ITGBL1: variants seen among roughly 807,000 people sequenced by gnomAD.
ITGBL1 encodes the protein integrin beta-like protein 1.
In ITGBL1, 51 loss-of-function variants were observed where a neutral mutation model predicts 68.5. That is an observed-to-expected ratio of 0.74 (90% confidence interval 0.59 to 0.94). ITGBL1 has a LOEUF of 0.94. ITGBL1 is among the 40% of genes least tolerant of loss of function. The pLI, the probability that ITGBL1 is intolerant of heterozygous loss-of-function variation, is 0.00. For synonymous variants in ITGBL1, 209 were observed against 227.3 expected, an observed-to-expected ratio of 0.92 and a Z score of 0.72; for missense variants, 649 against 647.4, an observed-to-expected ratio of 1.00 and a Z score of -0.03.
At chr13:101,569,106 A>C (rs1244023099) in intron 3 of ITGBL1, among the ~76,000 whole-genome samples, 1 of 139,192 alleles carries the variant, frequency 7.2e-6, no homozygotes, top group Non-Finnish European at 1.5e-5. Flanking sequence ...CCACCCCTCC[A>C]TACACACACA....
chr13:101,521,325 A>G (rs1053100150), intron 2 of ITGBL1, among the ~76,000 whole-genome samples: 2 of 152,210 alleles, frequency 1.3e-5, no homozygotes, highest in East Asian at 1.9e-4. Context: ...TAATATGGGA[A>G]ACAGACAATA....
intron 7 of ITGBL1, among the ~76,000 whole-genome samples, chr13:101,651,764 G>C (rs543642807): frequency 0.2 from 29,734 of 151,888 alleles, 2,971 homozygotes; most frequent in East Asian, 0.25. Flanking sequence ...GTCCTAAATG[G>C]TATTACCTAG....
At chr13:101,603,649 T>TAA (rs201410146) in intron 7 of ITGBL1, among the ~76,000 whole-genome samples, 1 of 150,848 alleles carries the variant, frequency 6.6e-6, no homozygotes, top group African/African-American at 2.4e-5. Flanking sequence ...CCCAGACATG[T>TAA]AAAAAAAATG....
intron 2 of ITGBL1, among the ~76,000 whole-genome samples, chr13:101,540,234 G>T (rs1462083000): frequency 6.6e-6 from 1 of 152,160 alleles, no homozygotes; most frequent in African/African-American, 2.4e-5. Flanking sequence ...TTTGTATAAG[G>T]TGTAAGGAAG....
At chr13:101,522,049 A>G (rs1002675875) in intron 2 of ITGBL1, among the ~76,000 whole-genome samples, 2 of 151,888 alleles carry the variant, frequency 1.3e-5, no homozygotes, top group African/African-American at 2.4e-5. Flanking sequence ...GAGAGAAGAG[A>G]GCAAAGAGAA....
intron 2 of ITGBL1, among the ~76,000 whole-genome samples, chr13:101,459,565 A>G (rs1458640136): frequency 6.6e-6 from 1 of 152,010 alleles, no homozygotes; most frequent in Non-Finnish European, 1.5e-5. Context: ...GAACATGGTG[A>G]AACTCTGTCT....
intron 7 of ITGBL1, among the ~76,000 whole-genome samples, chr13:101,682,521 AGT>A (rs2033668042): frequency 6.6e-6 from 1 of 152,092 alleles, no homozygotes; most frequent in African/African-American, 2.4e-5. Flanking sequence ...CTTTCCTAAA[AGT>A]GTAATTATTT....
intron 2 of ITGBL1, among the ~76,000 whole-genome samples, chr13:101,456,930 G>A (rs1028164651): frequency 6.6e-6 from 1 of 152,222 alleles, no homozygotes; most frequent in East Asian, 1.9e-4. Context: ...AAAAAGTGTG[G>A]ACTCTGGGAG....
intron 3 of ITGBL1, among the ~76,000 whole-genome samples, chr13:101,571,051 A>C (rs2050263943): frequency 6.6e-6 from 1 of 152,170 alleles, no homozygotes; most frequent in Non-Finnish European, 1.5e-5. Context: ...ACATACATGC[A>C]TATTTTAGAA....
chr13:101,634,896 C>G (rs995670863), intron 7 of ITGBL1, among the ~76,000 whole-genome samples: 1 of 151,114 alleles, frequency 6.6e-6, no homozygotes, highest in African/African-American at 2.4e-5. Context: ...ATCTAAGACC[C>G]GAATGAACTA....
At chr13:101,522,988 G>A (rs1450789539) in intron 2 of ITGBL1, among the ~76,000 whole-genome samples, 4 of 152,108 alleles carry the variant, frequency 2.6e-5, no homozygotes, top group Non-Finnish European at 2.9e-5. Flanking sequence ...TTCCTCTCTC[G>A]TCCAAAGATT....
In ITGBL1 at chr13:101,482,266, A is replaced by C. The variant is rs545112893; in HGVS notation, c.316+28166A>C. 3.3e-5 allele frequency among the ~76,000 whole-genome samples: 5 copies of C among 152,232 alleles called. No individual in the cohort carries two copies. The East Asian group carries it at 9.6e-4, about 29-fold the overall frequency. On this transcript the variant is annotated intron_variant, in intron 2 of 10. Coordinates refer to ENST00000376180, the MANE Select transcript of ITGBL1 (RefSeq NM_004791.3). ...TAGCCATTTCTCATTAGGACTGGGA[A>C]AGATGAGTGAGAAATAAAATTATAG...
chr13:101,500,323 G>T (rs898472702), intron 2 of ITGBL1, among the ~76,000 whole-genome samples: 2 of 152,136 alleles, frequency 1.3e-5, no homozygotes, highest in Non-Finnish European at 2.9e-5. Flanking sequence ...AATTCCTGCT[G>T]ACTGATATTG....
chr13:101,687,252 TTAAA>T (rs1378055717), intron 7 of ITGBL1, among the ~76,000 whole-genome samples: 1 of 152,026 alleles, frequency 6.6e-6, no homozygotes, highest in Non-Finnish European at 1.5e-5. Context: ...AAACAGATTC[TTAAA>T]TATTTGTTGA....
intron 2 of ITGBL1, among the ~76,000 whole-genome samples, chr13:101,526,657 A>ATG (rs1301205497): frequency 1.9e-5 from 2 of 106,036 alleles, no homozygotes; most frequent in South Asian, 7.3e-4. Flanking sequence ...CATTGAAGTT[A>ATG]TATGTGTGTG....
chr13:101,552,596 T>C (rs2049939179), intron 2 of ITGBL1, among the ~76,000 whole-genome samples: 1 of 152,224 alleles, frequency 6.6e-6, no homozygotes, highest in South Asian at 2.1e-4. Context: ...AAGCAAACTG[T>C]CAATAATGTT....
intron 7 of ITGBL1, among the ~76,000 whole-genome samples, chr13:101,665,669 G>A (rs1282000597): frequency 1.3e-5 from 2 of 152,062 alleles, no homozygotes; most frequent in Non-Finnish European, 2.9e-5. Context: ...GTGATAGTGA[G>A]CATTCTTGTC....
intron 3 of ITGBL1, among the ~76,000 whole-genome samples, chr13:101,569,172 C>A (rs960054544): frequency 6.6e-6 from 1 of 151,886 alleles, no homozygotes; most frequent in African/African-American, 2.4e-5. Flanking sequence ...AAAAATTATT[C>A]TTTTCAAACT....
chr13:101,576,215 C>G (rs913584315), intron 4 of ITGBL1, among the ~76,000 whole-genome samples: 1 of 152,094 alleles, frequency 6.6e-6, no homozygotes, highest in Non-Finnish European at 1.5e-5. Context: ...AGGTAACGAA[C>G]CCAGGGTCAG....
Sources: gnomAD v4.1 joint callset for allele counts (sites outside exome capture counted in the v4.1 genomes callset) on GRCh38, gnomAD v4.1.1 for gene constraint, MANE v1.5 for transcripts, NCBI Gene and HGNC (gene_info 2026-07-23, HGNC 2026-07-21) for gene names.